Variants in GATA3 observed in about 807,000 individuals in gnomAD.
GATA3 encodes the protein GATA binding protein 3.
A neutral mutation model predicts 36.0 loss-of-function variants in GATA3; 6 were observed. That is an observed-to-expected ratio of 0.17 (90% CI 0.09 to 0.33). GATA3 has a LOEUF of 0.33. Among genes scored for constraint, GATA3 ranks in the 10% least tolerant of loss-of-function variants. GATA3 has a pLI of 1.00. For synonymous variants in GATA3, 326 were observed against 273.0 expected (o/e 1.19, Z -1.92); for missense variants, 514 against 610.1 (o/e 0.84, Z 1.66).
At position 8,055,535 on chromosome 10, in the gene GATA3, A is replaced by T; in HGVS notation, c.-121A>T. Reference sequence around the variant, plus strand: ...CCTTCCCATCCCCCCACCGAAAGCAAATCATTCAACGACCCCCGACCCTCC... The same window carrying T: ...CCTTCCCATCCCCCCACCGAAAGCATATCATTCAACGACCCCCGACCCTCC... On this transcript the variant is annotated 5_prime_UTR_variant, in exon 2 of 6. Coordinates refer to ENST00000379328, the MANE Select transcript of GATA3 (RefSeq NM_001002295.2). This position sits in a 1 kb window ranked among gnomAD's most constrained non-coding sequence, Gnocchi z 5.4. 9.1e-7 allele frequency: 1 copy of T among 1,094,750 alleles called. No individual in the cohort carries two copies. Among genetic ancestry groups the T allele is most frequent in the Non-Finnish European group, 1.3e-6 (1 of 779,160 alleles). 67.8% of individuals were successfully genotyped at this position (1,094,750 alleles called of 1,614,324 possible). A position where few individuals can be genotyped will look rare whatever the true frequency, so the allele number is the denominator to read the frequency against.
chr10:8,063,876 A>G, intron 3 of GATA3, 117 bp from the exon 4 acceptor site: 1 of 1,403,192 alleles, frequency 7.1e-7, no homozygotes, highest in African/African-American at 1.4e-5. Flanking sequence ...GCTCCCCAAA[A>G]GAGGAGGGAG....
At chr10:8,054,545 G>T (rs11567883), upstream of GATA3, 55 of 152,086 alleles carry the variant, frequency 3.6e-4, no homozygotes, top group African/African-American at 1.2e-3. The surrounding 1 kb of genome is among the most constrained non-coding windows in gnomAD (Gnocchi z 4.2). Context: ...GCGCGGGGCG[G>T]GGGGAGAAGT....
intron 2 of GATA3, 120 bp downstream of exon 2, chr10:8,056,016 G>A (rs2131483592): frequency 7.3e-7 from 1 of 1,364,540 alleles, no homozygotes; most frequent in Non-Finnish European, 1.0e-6. Flanking sequence ...TGCCGTTCCT[G>A]GTTCATTTAC....
intron 4 of GATA3, among the ~76,000 whole-genome samples, chr10:8,067,155 A>C (rs1005820318): frequency 6.6e-6 from 1 of 152,208 alleles, no homozygotes; most frequent in Non-Finnish European, 1.5e-5. Flanking sequence ...ACAGTTGTTT[A>C]AGCATTAAAT....
upstream of GATA3, among the ~76,000 whole-genome samples, chr10:8,050,170 T>C (rs1014683027): frequency 1.3e-5 from 2 of 152,224 alleles, no homozygotes; most frequent in African/African-American, 4.8e-5. Context: ...TCGGCCACTC[T>C]TCCAGAGCGC....
chr10:8,046,542 C>G lies in GATA3; in HGVS notation c.-370+1027C>G, dbSNP rs548405036. Among the ~76,000 whole-genome samples, 21 of 151,922 alleles carry G rather than the reference C, an allele frequency of 1.4e-4. 1 individual carries two copies. Among genetic ancestry groups the G allele is most frequent in the Non-Finnish European group, 3.1e-4 (21 of 68,010 alleles). ...GCCTCCTCTGCCTAGCGGCTGCTGC[C>G]GAGAAGGTAGTGGTAGTAGCAGTGG... On this transcript the variant is annotated intron_variant, in intron 1 of 1. Coordinates refer to the GATA3 transcript ENST00000643001.
At chr10:8,061,654 G>A (rs1022937819) in intron 3 of GATA3, among the ~76,000 whole-genome samples, 2 of 152,240 alleles carry the variant, frequency 1.3e-5, no homozygotes, top group Non-Finnish European at 2.9e-5. Flanking sequence ...CAACCTTGCC[G>A]AGTGAATCAA....
At chr10:8,057,334 C>G (rs1207981971) in intron 2 of GATA3, among the ~76,000 whole-genome samples, 1 of 152,038 alleles carries the variant, frequency 6.6e-6, no homozygotes, top group African/African-American at 2.4e-5. Context: ...TAAATGTACC[C>G]CTCAGAGTGT....
At chr10:8,072,452 G>C (rs755362783) in intron 5 of GATA3, among the ~76,000 whole-genome samples, 5 of 152,146 alleles carry the variant, frequency 3.3e-5, no homozygotes, top group Non-Finnish European at 5.9e-5. Context: ...TTGCTCTTCC[G>C]GGCAGATGTC....
At chr10:8,073,232 G>A (rs369011194) in intron 5 of GATA3, among the ~76,000 whole-genome samples, 1 of 151,638 alleles carries the variant, frequency 6.6e-6, no homozygotes, top group Non-Finnish European at 1.5e-5. Context: ...AAATTCTAGC[G>A]GAAGATTTTA....
intron 1 of GATA3, among the ~76,000 whole-genome samples, chr10:8,046,724 C>T (rs1489279734): frequency 6.7e-6 from 1 of 150,246 alleles, no homozygotes; most frequent in Admixed American, 6.6e-5. Flanking sequence ...TTGTGCCATT[C>T]AGAAGAACGG....
rs1429009110 is a variant in GATA3 at position 8,055,639 on chromosome 10, C to G, written c.-17C>G. On this transcript the variant is annotated 5_prime_UTR_variant, in exon 2 of 6. Transcript: ENST00000379328. The surrounding 1 kb of genome is among the most constrained non-coding windows in gnomAD (Gnocchi z 5.4). ...GGGTTCCGGGCCCGGCGAGAGGGCG[C>G]GAGCACAGCCGAGGCCATGGAGGTG... 1.3e-6 allele frequency: 2 copies of G among 1,549,450 alleles called. No homozygotes were observed. Among genetic ancestry groups the G allele is most frequent in the Non-Finnish European group, 1.7e-6 (2 of 1,148,398 alleles).
intron 4 of GATA3, among the ~76,000 whole-genome samples, chr10:8,065,252 CTTTT>C (rs34193161): frequency 8.7e-5 from 8 of 92,092 alleles, no homozygotes; most frequent in East Asian, 6.4e-4. Flanking sequence ...GAAAAACTTT[CTTTT>C]TTTTTTTTTT....
chr10:8,056,309 T>C (rs1410080582), intron 2 of GATA3, among the ~76,000 whole-genome samples: 2 of 152,126 alleles, frequency 1.3e-5, no homozygotes, highest in African/African-American at 4.8e-5. Flanking sequence ...GGAACCCGGC[T>C]CTTCCAAAAA....
chr10:8,071,421 G>T (rs928762467), intron 5 of GATA3, among the ~76,000 whole-genome samples: 2 of 152,190 alleles, frequency 1.3e-5, no homozygotes, highest in Admixed American at 1.3e-4. Flanking sequence ...AATTATAGGA[G>T]ATTAACTAGC....
chr10:8,064,060 C>T lies in GATA3; in HGVS notation c.846C>T (p.His282=), dbSNP rs2131500702. ...TGTGGCGGCGAGATGGCACGGGACA[C>T]TACCTGTGCAACGCCTGCGGGCTCT... is the stretch of plus-strand genomic sequence containing the variant. ...TPLWRRDGTG[H]YLCNACGLYH... Residue 282 remains histidine (H), a synonymous_variant, in exon 4 of 6, where the codon CAC becomes CAT. Transcript: ENST00000379328. 3 of 1,614,176 alleles carry T rather than the reference C, an allele frequency of 1.9e-6. No individual in the cohort carries two copies. Among genetic ancestry groups the T allele is most frequent in the Non-Finnish European group, 2.5e-6 (3 of 1,180,040 alleles).
upstream of GATA3, chr10:8,051,366 C>G (rs1284520999): frequency 3.5e-6 from 1 of 281,928 alleles, no homozygotes; most frequent in Non-Finnish European, 7.4e-6. Context: ...CCGCCCCGGG[C>G]CCCGGCTCCT....
In GATA3 at chr10:8,074,859, T is replaced by C. The variant is rs1832990097; in HGVS notation, c.*836T>C. The C allele has an allele frequency of 4.3e-6, 1 of 233,680 alleles. No individual in the cohort carries two copies. Among genetic ancestry groups the C allele is most frequent in the East Asian group, 6.0e-5 (1 of 16,614 alleles). The allele number at this position is 233,680 out of a possible 1,614,324, so 14.5% of individuals were successfully genotyped here. A position where few individuals can be genotyped will look rare whatever the true frequency, so the allele number is the denominator to read the frequency against. On this transcript the variant is annotated 3_prime_UTR_variant, in exon 6 of 6. Coordinates refer to ENST00000379328, the MANE Select transcript of GATA3 (RefSeq NM_001002295.2). ...AATATTTTCCTTCTCTCTCAATTTT[T>C]GGTTGAATAAACTAGATTACATTCA...
rs763497781 is a variant in GATA3 at position 8,058,657 on chromosome 10, G to C, written c.594G>C (p.Ser198=). 1 of 1,613,056 alleles carries C rather than the reference G, an allele frequency of 6.2e-7. No homozygotes were observed. Among genetic ancestry groups the C allele is most frequent in the Non-Finnish European group, 8.5e-7 (1 of 1,179,948 alleles). Residue 198 remains serine (S), a synonymous_variant, in exon 3 of 6, where the codon TCG becomes TCC. Coordinates refer to ENST00000379328, the MANE Select transcript of GATA3 (RefSeq NM_001002295.2). ...VPLPDSMKLE[S]SHSRGSMTAL... ...TGCCCGACAGCATGAAGCTGGAGTC[G>C]TCCCACTCCCGTGGCAGCATGACCG... is the stretch of plus-strand genomic sequence containing the variant.
Sources: gnomAD v4.1 joint callset for allele counts (sites outside exome capture counted in the v4.1 genomes callset) on GRCh38, gnomAD v4.1.1 for gene constraint, Gnocchi (gnomAD v3.1) non-coding constraint, MANE v1.5 for transcripts, NCBI Gene and HGNC (gene_info 2026-07-23, HGNC 2026-07-21) for gene names.